PCDH15: variants seen among roughly 807,000 people sequenced by gnomAD.
The protein encoded by PCDH15 is protocadherin-15.
PCDH15 carries 129 observed loss-of-function variants against 178.5 expected under a neutral mutation model. That is an observed-to-expected ratio of 0.72 (90% CI 0.63 to 0.84). The LOEUF (loss-of-function observed/expected upper bound fraction) is 0.84. Ranked by LOEUF, PCDH15 falls within the 40% of genes least tolerant of loss-of-function variation. The pLI, the probability that PCDH15 is intolerant of heterozygous loss-of-function variation, is 0.00. For synonymous variants in PCDH15, 800 were observed against 732.0 expected, an observed-to-expected ratio of 1.09 and a Z score of -1.50; for missense variants, 2,230 against 2,099.9, an observed-to-expected ratio of 1.06 and a Z score of -1.21.
At chr10:54,825,087 T>G (rs1291907686) in intron 3 of PCDH15, among the ~76,000 whole-genome samples, 2 of 152,018 alleles carry the variant, frequency 1.3e-5, no homozygotes, top group Admixed American at 1.3e-4. Context: ...TGTGTTCTCA[T>G]TGTTCAATTC....
intron 2 of PCDH15, among the ~76,000 whole-genome samples, chr10:55,152,030 A>G (rs1591945860): frequency 6.6e-6 from 1 of 152,040 alleles, no homozygotes; most frequent in Admixed American, 6.6e-5. Flanking sequence ...GTAGATGTGG[A>G]TGGGATGGTA....
intron 2 of PCDH15, among the ~76,000 whole-genome samples, chr10:55,063,129 C>A (rs946409961): frequency 1.3e-5 from 2 of 152,064 alleles, no homozygotes; most frequent in African/African-American, 4.8e-5. Context: ...TGTGTGACTC[C>A]AAAATCCATA....
Position 54,436,026 on chromosome 10 carries a change from GGAGAGGA to G in PCDH15, c.158-57091_158-57085del, listed in dbSNP as rs1194104400. On this transcript the variant is annotated intron_variant, in intron 3 of 37. Transcript: ENST00000644397. The stretch of plus-strand genomic sequence containing the variant: ...GAAGAGGAGAGGAGAGGAGAGGAGA[GGAGAGGA>G]GAGAGAGAGAGAGAGAGAAAAGAAA... Among the ~76,000 whole-genome samples the G allele has an allele frequency of 7.1e-4, 76 of 107,350 alleles. 1 individual carries two copies. The highest frequency in any genetic ancestry group is 3.4e-4 in the South Asian group (1 of 2,954). 70.4% of individuals were successfully genotyped at this position (107,350 alleles called of 152,430 possible).
intron 1 of PCDH15, among the ~76,000 whole-genome samples, chr10:54,728,949 C>G (rs1051201258): frequency 1.3e-5 from 2 of 151,630 alleles, no homozygotes; most frequent in Admixed American, 6.6e-5. Flanking sequence ...GAAATACATA[C>G]CATGCTCATG....
At chr10:55,176,609 G>T (rs896448771) in intron 1 of PCDH15, among the ~76,000 whole-genome samples, 4 of 152,100 alleles carry the variant, frequency 2.6e-5, no homozygotes, top group Admixed American at 6.6e-5. Flanking sequence ...CCCTTGTAAT[G>T]CCCTGATATT....
intron 3 of PCDH15, among the ~76,000 whole-genome samples, chr10:54,838,115 C>A (rs776202316): frequency 2.0e-5 from 3 of 152,038 alleles, no homozygotes; most frequent in Non-Finnish European, 4.4e-5. Flanking sequence ...AACGACAGTA[C>A]TTGACGAGGT....
intron 15 of PCDH15, among the ~76,000 whole-genome samples, chr10:54,090,270 A>G (rs972804989): frequency 6.6e-6 from 1 of 152,208 alleles, no homozygotes; most frequent in Non-Finnish European, 1.5e-5. Flanking sequence ...CCTGATGTGG[A>G]AATAATCATT....
intron 14 of PCDH15, among the ~76,000 whole-genome samples, chr10:54,138,870 G>A (rs1389151260): frequency 6.6e-6 from 1 of 152,020 alleles, no homozygotes; most frequent in East Asian, 1.9e-4. Flanking sequence ...GTGTTTATAT[G>A]CGTCTTAATG....
At chr10:54,823,206 AAC>A (rs4007188) in intron 3 of PCDH15, among the ~76,000 whole-genome samples, 1,585 of 148,988 alleles carry the variant, frequency 0.011, 17 homozygotes, top group South Asian at 0.022. Context: ...CACCAGCATA[AAC>A]ACACACACAC....
In PCDH15 at chr10:53,888,664, GATATATATATATATATATAT is replaced by G. The variant is rs59914675; in HGVS notation, c.3501+14559_3501+14578del. On this transcript the variant is annotated intron_variant, in intron 26 of 37. Transcript: ENST00000644397. ...TTTCAATTCCCTAGCAGTTAAGTTT[GATATATATATATATATATAT>G]ATATATATATATATATATATCTCCT... Among the ~76,000 whole-genome samples, 55 of 17,026 alleles carry G rather than the reference GATATATATATATATATATAT, an allele frequency of 3.2e-3. 3 individuals carry two copies. The highest frequency in any genetic ancestry group is 0.025 in the South Asian group (9 of 356). 11.2% of individuals were successfully genotyped at this position (17,026 alleles called of 152,430 possible).
chr10:54,261,497 A>G (rs1004113505), intron 8 of PCDH15, among the ~76,000 whole-genome samples: 21 of 151,200 alleles, frequency 1.4e-4, no homozygotes, highest in African/African-American at 4.1e-4. Context: ...AAGCATTTGG[A>G]AAAAAAAATG....
intron 1 of PCDH15, among the ~76,000 whole-genome samples, chr10:55,221,697 T>A (rs1753437639): frequency 6.6e-6 from 1 of 152,088 alleles, no homozygotes; most frequent in African/African-American, 2.4e-5. Context: ...TAAGACAAGA[T>A]ACACAGTGAC....
intron 2 of PCDH15, among the ~76,000 whole-genome samples, chr10:55,498,783 G>T (rs1241919646): frequency 4.6e-5 from 7 of 151,812 alleles, no homozygotes; most frequent in Non-Finnish European, 1.0e-4. Flanking sequence ...TGCTATGCAT[G>T]CTACATAATG....
intron 1 of PCDH15, among the ~76,000 whole-genome samples, chr10:55,235,019 A>C (rs1327436557): frequency 1.3e-5 from 2 of 152,100 alleles, no homozygotes; most frequent in Non-Finnish European, 2.9e-5. Context: ...GTACAGCCAC[A>C]AAGTCTAGGT....
intron 2 of PCDH15, among the ~76,000 whole-genome samples, chr10:54,536,751 G>T (rs924226280): frequency 6.6e-6 from 1 of 151,832 alleles, no homozygotes; most frequent in Non-Finnish European, 1.5e-5. Context: ...GAATTATTTG[G>T]TTTTTCTGTT....
intron 3 of PCDH15, among the ~76,000 whole-genome samples, chr10:54,893,348 G>A (rs1284728479): frequency 6.6e-6 from 1 of 151,992 alleles, no homozygotes; most frequent in East Asian, 1.9e-4. Context: ...GATTACCATT[G>A]ATTGAATATA....
rs149868568 is a variant in PCDH15, at chr10:54,598,792, C to A, written c.91+65380G>T. The stretch of plus-strand genomic sequence containing the variant: ...CAGCAAAGTATCAAGGTATAAAAAT[C>A]AATGTACAAAAATGACTACCATTGC... On this transcript the variant is annotated intron_variant, in intron 2 of 37. Transcript: ENST00000644397. Among the ~76,000 whole-genome samples, 15 of 152,170 alleles carry A rather than the reference C, an allele frequency of 9.9e-5. No individual in the cohort carries two copies. The East Asian group carries it at 2.9e-3, about 29-fold the overall frequency.
chr10:54,920,246 A>T (rs1837449420), intron 2 of PCDH15, among the ~76,000 whole-genome samples: 1 of 152,014 alleles, frequency 6.6e-6, no homozygotes, highest in African/African-American at 2.4e-5. Context: ...CGAGGCGGGC[A>T]GATCACTAGG....
chr10:53,847,800 T>C (rs1004489528), intron 28 of PCDH15, among the ~76,000 whole-genome samples: 1 of 152,076 alleles, frequency 6.6e-6, no homozygotes, highest in Non-Finnish European at 1.5e-5. Flanking sequence ...TTAACTTCTT[T>C]CTCATCTGTT....
Sources: gnomAD v4.1 joint callset for allele counts (sites outside exome capture counted in the v4.1 genomes callset) on GRCh38, gnomAD v4.1.1 for gene constraint, MANE v1.5 for transcripts, NCBI Gene and HGNC (gene_info 2026-07-23, HGNC 2026-07-21) for gene names.